ETV6: variants seen among roughly 807,000 people sequenced by gnomAD.
The protein encoded by ETV6 is ETS variant transcription factor 6.
A neutral mutation model predicts 51.1 loss-of-function variants in ETV6; 16 were observed. The ratio of observed to expected loss-of-function variants is 0.31; its 90% CI spans 0.21 to 0.48. The LOEUF (loss-of-function observed/expected upper bound fraction) is 0.48, where lower values mean the gene tolerates loss of function less well. Among genes scored for constraint, ETV6 ranks in the 20% least tolerant of loss-of-function variants. ETV6 has a pLI of 0.99. For synonymous variants in ETV6, 240 were observed against 224.1 expected, an observed-to-expected ratio of 1.07 and a Z score of -0.64; for missense variants, 458 against 594.8, an observed-to-expected ratio of 0.77 and a Z score of 2.39.
At chr12:11,798,130 A>G (rs925050387) in intron 2 of ETV6, among the ~76,000 whole-genome samples, 1 of 152,260 alleles carries the variant, frequency 6.6e-6, no homozygotes, top group Non-Finnish European at 1.5e-5. Flanking sequence ...CTTGACCTCA[A>G]GGAACTTGTA....
Position 11,777,902 on chromosome 12 carries a change from A to G in ETV6, c.163+25323A>G, listed in dbSNP as rs192405982. ...CAAGGTGCTCTCAACTTCCCTTAACACAGGTTCCCAGTTTATCCTCACCAC... is the reference window on the plus strand; with the variant it reads ...CAAGGTGCTCTCAACTTCCCTTAACGCAGGTTCCCAGTTTATCCTCACCAC... On this transcript the variant is annotated intron_variant, in intron 2 of 7. Coordinates refer to ENST00000396373, the MANE Select transcript of ETV6 (RefSeq NM_001987.5). 2.8e-4 allele frequency among the ~76,000 whole-genome samples: 42 copies of G among 152,124 alleles called. 1 individual carries two copies. Among genetic ancestry groups the G allele is most frequent in the Admixed American group, 2.6e-3 (39 of 15,276 alleles).
chr12:11,851,959 T>C (rs1422532496), intron 3 of ETV6, among the ~76,000 whole-genome samples: 1 of 152,218 alleles, frequency 6.6e-6, no homozygotes, highest in Non-Finnish European at 1.5e-5. Flanking sequence ...ATCCAAAATA[T>C]GCCTTGAATT....
At chr12:11,663,926 T>G (rs1316240413) in intron 1 of ETV6, among the ~76,000 whole-genome samples, 1 of 152,244 alleles carries the variant, frequency 6.6e-6, no homozygotes, top group African/African-American at 2.4e-5. Flanking sequence ...AGCCACAGGG[T>G]ATGAATCAAC....
chr12:11,856,103 C>T (rs1946629329), intron 4 of ETV6, among the ~76,000 whole-genome samples: 1 of 152,154 alleles, frequency 6.6e-6, no homozygotes, highest in Non-Finnish European at 1.5e-5. Context: ...GATCCTTCCT[C>T]TTTTCCCTTT....
chr12:11,816,338 A>G (rs1945993693), intron 2 of ETV6, among the ~76,000 whole-genome samples: 1 of 152,200 alleles, frequency 6.6e-6, no homozygotes, highest in Admixed American at 6.5e-5. Context: ...TCTGTCTCCC[A>G]GGTTCACACC....
intron 2 of ETV6, among the ~76,000 whole-genome samples, chr12:11,775,800 T>C (rs952050294): frequency 2.0e-5 from 3 of 152,258 alleles, no homozygotes; most frequent in African/African-American, 7.2e-5. Flanking sequence ...GAGCAGTCAC[T>C]GAGACAGCGA....
chr12:11,831,305 A>G (rs1370552242), intron 2 of ETV6, among the ~76,000 whole-genome samples: 2 of 152,222 alleles, frequency 1.3e-5, no homozygotes, highest in African/African-American at 2.4e-5. Context: ...GGCTCACTGC[A>G]AACTCCACCT....
intron 1 of ETV6, among the ~76,000 whole-genome samples, chr12:11,656,570 A>G (rs1443678567): frequency 6.6e-6 from 1 of 152,214 alleles, no homozygotes; most frequent in Non-Finnish European, 1.5e-5. Flanking sequence ...ATGAATGTCT[A>G]AGTTTTCCAT....
intron 1 of ETV6, among the ~76,000 whole-genome samples, chr12:11,656,866 A>G (rs1360996685): frequency 6.6e-6 from 1 of 151,906 alleles, no homozygotes; most frequent in African/African-American, 2.4e-5. Flanking sequence ...CAATCCATAA[A>G]CACAAATTTT....
At chr12:11,768,721 A>T (rs1324917562) in intron 2 of ETV6, among the ~76,000 whole-genome samples, 1 of 152,036 alleles carries the variant, frequency 6.6e-6, no homozygotes, top group African/African-American at 2.4e-5. Context: ...AGCAAACATC[A>T]CCCTTGCCCT....
chr12:11,838,091 C>G (rs1206748606), intron 2 of ETV6, among the ~76,000 whole-genome samples: 1 of 152,174 alleles, frequency 6.6e-6, no homozygotes, highest in African/African-American at 2.4e-5. Flanking sequence ...CTCTTAAAAT[C>G]TGGCTTAATG....
chr12:11,768,930 G>A (rs376770665), intron 2 of ETV6: 3 of 486,368 alleles, frequency 6.2e-6, no homozygotes, highest in African/African-American at 1.9e-5. Flanking sequence ...TGACTGCTTG[G>A]GCTTGTTCTG....
intron 1 of ETV6, among the ~76,000 whole-genome samples, chr12:11,669,465 C>A (rs919120983): frequency 6.8e-6 from 1 of 146,062 alleles, no homozygotes; most frequent in South Asian, 2.2e-4. Context: ...TTCTTTCTTT[C>A]CTTTCTTCTT....
intron 1 of ETV6, among the ~76,000 whole-genome samples, chr12:11,711,982 GT>G (rs1651317154): frequency 6.6e-6 from 1 of 152,020 alleles, no homozygotes; most frequent in Admixed American, 6.6e-5. Context: ...TTTTTTCTGT[GT>G]TTTTTAGTCC....
intron 2 of ETV6, among the ~76,000 whole-genome samples, chr12:11,795,759 A>T (rs1435581586): frequency 6.6e-6 from 1 of 152,248 alleles, no homozygotes; most frequent in Non-Finnish European, 1.5e-5. Context: ...CGGCTCTGCT[A>T]CTTCCTACTT....
At position 11,750,929 on chromosome 12, in the gene ETV6, T is replaced by G. The variant is rs150088021; in HGVS notation, c.34-1521T>G. The G allele has an allele frequency of 1.0e-4, 47 of 466,126 alleles. 1 individual carries two copies. Among genetic ancestry groups the G allele is most frequent in the African/African-American group, 8.4e-4 (41 of 49,068 alleles). The allele number at this position is 466,126 out of a possible 1,614,324, so 28.9% of individuals were successfully genotyped here. On this transcript the variant is annotated intron_variant, in intron 1 of 7. Transcript: ENST00000396373. The stretch of plus-strand genomic sequence containing the variant: ...GTTCAAGAAAAGTGCAGTTGAAAGT[T>G]TTGCCTCTGGGTGACTTTTTACAGG...
chr12:11,693,975 T>C (rs1864822770), intron 1 of ETV6, among the ~76,000 whole-genome samples: 1 of 152,224 alleles, frequency 6.6e-6, no homozygotes, highest in African/African-American at 2.4e-5. Flanking sequence ...AGGGAGATTA[T>C]ATGGCCACTG....
At chr12:11,713,960 G>C (rs1236884493) in intron 1 of ETV6, among the ~76,000 whole-genome samples, 2 of 152,200 alleles carry the variant, frequency 1.3e-5, no homozygotes, top group African/African-American at 2.4e-5. Flanking sequence ...TTACTTCCCA[G>C]AGGATGTGGA....
intron 2 of ETV6, among the ~76,000 whole-genome samples, chr12:11,783,844 G>GT (rs1166867050): frequency 6.6e-6 from 1 of 152,032 alleles, no homozygotes; most frequent in Non-Finnish European, 1.5e-5. Context: ...GTGGTTGGTT[G>GT]TTTTTTTGTT....
Sources: gnomAD v4.1 joint callset for allele counts (sites outside exome capture counted in the v4.1 genomes callset) on GRCh38, gnomAD v4.1.1 for gene constraint, MANE v1.5 for transcripts, NCBI Gene and HGNC (gene_info 2026-07-23, HGNC 2026-07-21) for gene names.